FHAD1: variants seen among roughly 807,000 people sequenced by gnomAD.
The protein encoded by FHAD1 is forkhead associated phosphopeptide binding domain 1.
A neutral mutation model predicts 191.3 loss-of-function variants in FHAD1; 146 were observed. That is an observed-to-expected ratio of 0.76 (90% confidence interval 0.67 to 0.88). The LOEUF (loss-of-function observed/expected upper bound fraction) is 0.88, where lower values mean the gene tolerates loss of function less well. Among genes scored for constraint, FHAD1 ranks in the 40% least tolerant of loss-of-function variants. The pLI is 0.00. For missense variants in FHAD1, 1,635 were observed against 1,785.8 expected (o/e 0.92, Z 1.52); for synonymous variants, 616 against 672.3 (o/e 0.92, Z 1.29).
intron 15 of FHAD1, among the ~76,000 whole-genome samples, chr1:15,339,943 A>G (rs1685855295): frequency 6.6e-6 from 1 of 151,938 alleles, no homozygotes; most frequent in African/African-American, 2.4e-5. Context: ...CTCCTGCTTC[A>G]GCTTTCTGAG....
Position 15,329,287 on chromosome 1 carries a change from C to T in FHAD1, c.1711-59C>T, listed in dbSNP as rs1196396789. On this transcript the variant is annotated intron_variant, in intron 13 of 33. Transcript: ENST00000688493. This position sits in a 1 kb window ranked among gnomAD's most constrained non-coding sequence, Gnocchi z 5.0. ...CAAGAACGCTGTTCCTCGAAGGTCA[C>T]GTCAGGGGCTATTTCTGGCCACAGG... 2.8e-6 allele frequency: 4 copies of T among 1,411,478 alleles called. No individual in the cohort carries two copies. The highest frequency in any genetic ancestry group is 2.9e-6 in the Non-Finnish European group (3 of 1,045,906). 87.4% of individuals were successfully genotyped at this position (1,411,478 alleles called of 1,614,324 possible).
At chr1:15,390,685 C>T (rs1170523765) in intron 32 of FHAD1, among the ~76,000 whole-genome samples, 2 of 152,126 alleles carry the variant, frequency 1.3e-5, no homozygotes, top group Non-Finnish European at 2.9e-5. Flanking sequence ...CTTGGGGACC[C>T]CAGGGTCAGC....
Position 15,381,340 on chromosome 1 carries a change from T to C in FHAD1, c.3911T>C (p.Leu1304Pro), listed in dbSNP as rs1279498463. Residue 1304 changes from leucine to proline, a missense_variant, in exon 30 of 34, where the codon CTT becomes CCT. Coordinates refer to ENST00000688493, the MANE Select transcript of FHAD1 (RefSeq NM_001391957.1). This position sits in a 1 kb window ranked among gnomAD's most constrained non-coding sequence, Gnocchi z 4.6. ...CAGGAGAGGGAGAAGGTCAACCAGC[T>C]TCGACAAAGGGACCTCGACCTGGTG... ...SRQEREKVNQ[L>P]RQRDLDLVFD... 7 of 1,551,606 alleles carry C rather than the reference T, an allele frequency of 4.5e-6. No individual in the cohort carries two copies. The highest frequency in any genetic ancestry group is 6.1e-6 in the Non-Finnish European group (7 of 1,146,994).
At chr1:15,358,030 C>G in intron 20 of FHAD1, 80 bp from the exon 21 acceptor site, 1 of 1,006,846 alleles carries the variant, frequency 9.9e-7, no homozygotes, top group East Asian at 2.7e-5. Flanking sequence ...TTACCCTGTC[C>G]TTGAAGGTGG....
At chr1:15,380,139 A>G (rs1350902063) in intron 28 of FHAD1, among the ~76,000 whole-genome samples, 2 of 152,242 alleles carry the variant, frequency 1.3e-5, no homozygotes, top group Non-Finnish European at 2.9e-5. Context: ...ACTCTGTGCC[A>G]GGTGCCATGC....
rs1161956810 is a variant in FHAD1, at chr1:15,289,347, G to A, written c.301-52G>A. ...ATGCTGTGGCTGGGACAAAGAAATG[G>A]AGACCATCCCAGCCGGTCATAACCT... On this transcript the variant is annotated intron_variant, in intron 3 of 33. Coordinates refer to ENST00000688493, the MANE Select transcript of FHAD1 (RefSeq NM_001391957.1). The surrounding 1 kb of genome is among the most constrained non-coding windows in gnomAD (Gnocchi z 4.2). 4.1e-5 allele frequency: 62 copies of A among 1,526,168 alleles called. No individual in the cohort carries two copies. The highest frequency in any genetic ancestry group is 5.5e-5 in the Non-Finnish European group (62 of 1,132,332). 94.5% of individuals were successfully genotyped at this position (1,526,168 alleles called of 1,614,324 possible).
chr1:15,293,989 G>A (rs937996705), intron 4 of FHAD1, among the ~76,000 whole-genome samples: 8 of 152,100 alleles, frequency 5.3e-5, no homozygotes, highest in Non-Finnish European at 7.4e-5. Context: ...GCCTCCCACC[G>A]GGGTGTCATC....
chr1:15,299,581 C>T (rs1161799848), intron 5 of FHAD1, among the ~76,000 whole-genome samples: 1 of 152,160 alleles, frequency 6.6e-6, no homozygotes, highest in Non-Finnish European at 1.5e-5. Flanking sequence ...AGGATCAGGG[C>T]ACATAACTGA....
intron 6 of FHAD1, among the ~76,000 whole-genome samples, chr1:15,303,661 C>T (rs1268883300): frequency 6.6e-6 from 1 of 152,102 alleles, no homozygotes; most frequent in Admixed American, 6.5e-5. Context: ...ACCAGCCTGG[C>T]CAACATGGCG....
chr1:15,308,463 C>T, intron 6 of FHAD1, 150 bp from the exon 7 acceptor site: 1 of 978,660 alleles, frequency 1.0e-6, no homozygotes, highest in Admixed American at 2.8e-5. Flanking sequence ...CCTCCCCTGT[C>T]CCTTCCACTG....
At position 15,301,434 on chromosome 1, in the gene FHAD1, A is replaced by C. The variant is rs1245279860; in HGVS notation, c.908A>C (p.Lys303Thr). 1 of 1,551,704 alleles carries C rather than the reference A, an allele frequency of 6.4e-7. No individual in the cohort carries two copies. Among genetic ancestry groups the C allele is most frequent in the Non-Finnish European group, 8.7e-7 (1 of 1,146,998 alleles). ...DAKQKEIQSL[K>T]SQISALQKGY... ...AAACAGAAAGAGATCCAGAGCTTGA[A>C]AAGCCAGGTAGGCAGAGCCTGAGAG... Residue 303 changes from lysine (K) to threonine (T), a missense_variant, in exon 6 of 34, where the codon AAA (lysine) becomes ACA (threonine). Transcript: ENST00000688493.
At chr1:15,396,845 A>G (rs1269208676) in intron 33 of FHAD1, among the ~76,000 whole-genome samples, 2 of 151,682 alleles carry the variant, frequency 1.3e-5, no homozygotes, top group Non-Finnish European at 2.9e-5. Flanking sequence ...AATAAGTACA[A>G]TACAATAAAA....
intron 1 of FHAD1, among the ~76,000 whole-genome samples, chr1:15,239,070 GCTAA>G (rs1270151369): frequency 1.3e-5 from 2 of 152,074 alleles, no homozygotes; most frequent in Non-Finnish European, 2.9e-5. Flanking sequence ...ACCATATCCA[GCTAA>G]CTTTTTTATT....
chr1:15,389,354 G>C (rs111315558), intron 32 of FHAD1, among the ~76,000 whole-genome samples: 1 of 148,232 alleles, frequency 6.7e-6, no homozygotes, highest in Non-Finnish European at 1.5e-5. Flanking sequence ...GCTGAGGTGG[G>C]ACAATCTCTT....
chr1:15,367,662 T>A, intron 25 of FHAD1, 40 bp downstream of exon 25: 1 of 1,508,370 alleles, frequency 6.6e-7, no homozygotes. Context: ...ATGGTTTGCC[T>A]GCCGTGGGGA....
intron 10 of FHAD1, among the ~76,000 whole-genome samples, chr1:15,319,035 G>T (rs1675438476): frequency 6.6e-6 from 1 of 151,468 alleles, no homozygotes; most frequent in Non-Finnish European, 1.5e-5. Flanking sequence ...TCACTATGTT[G>T]CCCAGGCTGG....
At chr1:15,240,630 C>CAAAAAAAAAAAA (rs34684294) in intron 1 of FHAD1, among the ~76,000 whole-genome samples, 1 of 109,862 alleles carries the variant, frequency 9.1e-6, no homozygotes, top group African/African-American at 3.5e-5. Context: ...GACCCTGTCT[C>CAAAAAAAAAAAA]AAAAAAAAAA....
intron 20 of FHAD1, among the ~76,000 whole-genome samples, chr1:15,356,917 T>G (rs1692990922): frequency 6.6e-6 from 1 of 151,970 alleles, no homozygotes; most frequent in Non-Finnish European, 1.5e-5. Context: ...GTAGAATGTC[T>G]CAATGTCATC....
intron 6 of FHAD1, among the ~76,000 whole-genome samples, chr1:15,304,407 T>TGAA (rs1305145893): frequency 6.6e-6 from 1 of 152,124 alleles, no homozygotes; most frequent in Non-Finnish European, 1.5e-5. Context: ...CTACTTGGAG[T>TGAA]TTTCCCACAG....
Sources: gnomAD v4.1 joint callset for allele counts (sites outside exome capture counted in the v4.1 genomes callset) on GRCh38, gnomAD v4.1.1 for gene constraint, Gnocchi (gnomAD v3.1) non-coding constraint, MANE v1.5 for transcripts, NCBI Gene and HGNC (gene_info 2026-07-23, HGNC 2026-07-21) for gene names.